The following DCTN2 variants were observed in gnomAD, a reference collection of about 807,000 sequenced individuals.
DCTN2 encodes the protein 50 kDa dynein-associated polypeptide.
Under a neutral mutation model 55.4 loss-of-function variants are expected in DCTN2, and 18 were observed. That is an observed-to-expected ratio of 0.32 (90% confidence interval 0.22 to 0.48). The LOEUF is 0.48. Ranked by LOEUF, DCTN2 falls within the 20% of genes least tolerant of loss-of-function variation. DCTN2 has a pLI of 0.99. For missense variants in DCTN2, 390 were observed against 491.0 expected (o/e 0.79, Z 1.94); for synonymous variants, 168 against 185.2 (o/e 0.91, Z 0.76).
intron 2 of DCTN2, chr12:57,543,703 C>T: frequency 3.1e-6 from 3 of 965,882 alleles, no homozygotes; most frequent in Non-Finnish European, 3.7e-6. Context: ...GTCTGCCCAC[C>T]CCATTCCTCC....
chr12:57,533,812 C>T (rs1879972859), intron 7 of DCTN2, 141 bp downstream of exon 7: 1 of 874,832 alleles, frequency 1.1e-6, no homozygotes. Context: ...AACAACGAAT[C>T]AGGAATCAAA....
In DCTN2 at chr12:57,530,467, C is replaced by T; in HGVS notation, c.*222G>A. 1 of 483,892 alleles carries T rather than the reference C, an allele frequency of 2.1e-6. No individual in the cohort carries two copies. The highest frequency in any genetic ancestry group is 3.7e-6 in the Non-Finnish European group (1 of 268,304). 30.0% of individuals were successfully genotyped at this position (483,892 alleles called of 1,614,324 possible). ...TGGCTGGGCCCACGTCCTTATCCCC[C>T]AGGCCTGAGGGGAGACCACCTTCTG... On this transcript the variant is annotated 3_prime_UTR_variant, in exon 14 of 14. Transcript: ENST00000548249.
At chr12:57,536,113 G>A (rs556862834) in intron 2 of DCTN2, 13 of 450,970 alleles carry the variant, frequency 2.9e-5, no homozygotes, top group Admixed American at 2.2e-4. Context: ...CTGTACATAA[G>A]CCTTCCCATC....
At chr12:57,533,688 G>T (rs562033196) in intron 7 of DCTN2, among the ~76,000 whole-genome samples, 332 of 151,732 alleles carry the variant, frequency 2.2e-3, no homozygotes, top group Admixed American at 3.7e-3. Context: ...GGAGAATGGC[G>T]TGAACCCGGG....
At chr12:57,540,996 A>G (rs1880645070) in intron 2 of DCTN2, among the ~76,000 whole-genome samples, 3 of 152,238 alleles carry the variant, frequency 2.0e-5, no homozygotes, top group African/African-American at 7.2e-5. Context: ...GCTAAAAGTC[A>G]TTCCATAAAA....
At chr12:57,534,133 AAGG>A (rs1164873705) in intron 6 of DCTN2, 36 bp from the exon 7 acceptor site, 3 of 1,555,506 alleles carry the variant, frequency 1.9e-6, no homozygotes, top group Non-Finnish European at 2.6e-6. Flanking sequence ...TCATGACTGG[AAGG>A]AGAAGGGCCA....
intron 4 of DCTN2, 24 bp downstream of exon 4, chr12:57,535,460 A>AAC (rs143028062): frequency 4.3e-4 from 680 of 1,564,720 alleles, no homozygotes; most frequent in Middle Eastern, 2.2e-3. Flanking sequence ...CATTCCCATC[A>AAC]ACACACACAC....
chr12:57,534,751 T>C (rs973837799), intron 5 of DCTN2, among the ~76,000 whole-genome samples: 1 of 152,132 alleles, frequency 6.6e-6, no homozygotes, highest in Non-Finnish European at 1.5e-5. Flanking sequence ...CACTGCAACC[T>C]CCGCCTCCGA....
At chr12:57,532,337 CAG>C (rs1565676333) in intron 11 of DCTN2, 22 bp from the exon 12 acceptor site, 3 of 1,552,062 alleles carry the variant, frequency 1.9e-6, no homozygotes, top group Non-Finnish European at 1.7e-6. Flanking sequence ...CAATGGGGCC[CAG>C]AGGGGATGGC....
chr12:57,530,961 G>A (rs184472766), intron 13 of DCTN2, among the ~76,000 whole-genome samples, 186 bp from the exon 14 acceptor site: 15 of 152,288 alleles, frequency 9.8e-5, no homozygotes. Context: ...CTTGGGGTGA[G>A]CCCAAGCAGG....
intron 2 of DCTN2, chr12:57,541,401 G>A: frequency 6.3e-7 from 1 of 1,599,174 alleles, no homozygotes; most frequent in Non-Finnish European, 8.5e-7. Context: ...GGTGAGGAGG[G>A]AGGATGGGGG....
At position 57,535,071 on chromosome 12, in the gene DCTN2, T is replaced by G. The variant is rs1369846643; in HGVS notation, c.348A>C (p.Glu116Asp). The G allele has an allele frequency of 6.2e-7, 1 of 1,613,562 alleles. No homozygotes were observed. ...LLHEVQELTT[E>D]VEKIKTTVKE... ...TTGTAGTTACCTTGATTTTTTCAACTTCAGTTGTCAGCTCTTGGACCTCAT... is the reference window on the plus strand; with the variant it reads ...TTGTAGTTACCTTGATTTTTTCAACGTCAGTTGTCAGCTCTTGGACCTCAT... The change falls in exon 5 of 14, where the codon GAA (glutamate) becomes GAC (aspartate). Residue 116 changes from glutamate (E) to aspartate (D), a missense_variant. Around this residue, in one of 2 missense-constraint regions of DCTN2, gnomAD observed 117 missense variants for 187.8 expected, o/e 0.62. Coordinates refer to ENST00000548249, the MANE Select transcript of DCTN2 (RefSeq NM_001261413.2).
chr12:57,533,061 A>G, intron 8 of DCTN2, 39 bp from the exon 9 acceptor site: 1 of 1,575,610 alleles, frequency 6.3e-7, no homozygotes. Flanking sequence ...TGGTCCTTAT[A>G]TCTCCATGAT....
At chr12:57,543,176 G>A (rs1322839103) in intron 2 of DCTN2, 9 of 369,912 alleles carry the variant, frequency 2.4e-5, no homozygotes, top group African/African-American at 6.4e-5. Flanking sequence ...ATGAAACCCC[G>A]TCTCTACTAA....
chr12:57,541,558 G>T (rs1880698178), intron 2 of DCTN2, among the ~76,000 whole-genome samples: 1 of 152,158 alleles, frequency 6.6e-6, no homozygotes, highest in Non-Finnish European at 1.5e-5. Flanking sequence ...GAGAAATGAA[G>T]CCTCTGCCAG....
At chr12:57,535,035 G>T in intron 5 of DCTN2, 21 bp downstream of exon 5, 1 of 1,581,564 alleles carries the variant, frequency 6.3e-7, no homozygotes, top group Non-Finnish European at 8.7e-7. Flanking sequence ...GCAGAGAAGG[G>T]AGAAGAGAGT....
rs1880044133 is a variant in DCTN2, at chr12:57,534,414, G to A, written c.402C>T (p.Thr134=). The change falls in exon 6 of 14, where the codon ACC becomes ACT. Residue 134 remains threonine, a synonymous_variant. Coordinates refer to ENST00000548249, the MANE Select transcript of DCTN2 (RefSeq NM_001261413.2). ...VKESATEEKL[T]PVLLAKQLAA... ...CCAGCTGTTTAGCCAGCAACACAGG[G>A]GTCAGCTTCTCCTCTGTGGCTGACT... The A allele has an allele frequency of 6.2e-7, 1 of 1,611,208 alleles. No individual in the cohort carries two copies. Among genetic ancestry groups the A allele is most frequent in the Non-Finnish European group, 8.5e-7 (1 of 1,178,238 alleles).
rs143028062 is a variant in DCTN2 at position 57,535,460 on chromosome 12, A to AACACAC, written c.264+18_264+23dup. 3.2e-6 allele frequency: 5 copies of AACACAC among 1,565,970 alleles called. No homozygotes were observed. In the African/African-American group the frequency reaches 5.4e-5, roughly 17 times the overall value. On this transcript the variant is annotated intron_variant, in intron 4 of 13. Coordinates refer to ENST00000548249, the MANE Select transcript of DCTN2 (RefSeq NM_001261413.2). ...ATAGGGTCACTACACCATTCCCATC[A>AACACAC]ACACACACACACACACAACAAACCA... is the stretch of plus-strand genomic sequence containing the variant.
At chr12:57,543,348 C>CA (rs11386483) in intron 2 of DCTN2, among the ~76,000 whole-genome samples, 70,698 of 103,708 alleles carry the variant, frequency 0.68, 27,717 homozygotes, top group Non-Finnish European at 0.87. Context: ...GACTCCGTCT[C>CA]AAAAAAAAAA....
Sources: allele counts gnomAD v4.1 joint callset (sites outside exome capture counted in the v4.1 genomes callset), GRCh38; gene constraint gnomAD v4.1.1; regional missense constraint gnomAD v4.1.1; transcripts MANE v1.5; gene names NCBI Gene and HGNC (gene_info 2026-07-23, HGNC 2026-07-21).